STON2: variants seen among roughly 807,000 people sequenced by gnomAD.
STON2 encodes stonin-2.
Under a neutral mutation model 65.7 loss-of-function variants are expected in STON2, and 29 were observed. That is an observed-to-expected ratio of 0.44 (90% confidence interval 0.33 to 0.60). STON2 has a LOEUF of 0.60. Among genes scored for constraint, STON2 ranks in the 20% least tolerant of loss-of-function variants. The probability of loss-of-function intolerance (pLI) is 0.03; values close to 1 mark genes in which losing one functional copy is unlikely to be tolerated. For missense variants in STON2, 1,054 were observed against 1,118.1 expected (o/e 0.94, Z 0.82); for synonymous variants, 404 against 414.2 (o/e 0.98, Z 0.30).
exon 1 of STON2, chr14:81,436,443 G>A (rs1043107675): frequency 6.6e-6 from 1 of 151,698 alleles, no homozygotes; most frequent in Non-Finnish European, 1.5e-5. Context: ...CCCGGCCGCA[G>A]CGCCGACGCC....
chr14:81,354,329 G>C (rs1898138196), intron 4 of STON2, among the ~76,000 whole-genome samples: 1 of 152,162 alleles, frequency 6.6e-6, no homozygotes, highest in South Asian at 2.1e-4. Context: ...GTCTTTCCAG[G>C]GTCCTTACCA....
At chr14:81,417,976 C>T (rs1019850468) in intron 2 of STON2, among the ~76,000 whole-genome samples, 2 of 152,050 alleles carry the variant, frequency 1.3e-5, no homozygotes, top group East Asian at 3.9e-4. Context: ...ACATAAAGGG[C>T]CTTGAGTGGT....
chr14:81,279,249 AC>A (rs1487816561), intron 5 of STON2, among the ~76,000 whole-genome samples: 6 of 152,238 alleles, frequency 3.9e-5, no homozygotes, highest in African/African-American at 1.4e-4. Context: ...CAAACAGTTA[AC>A]CTTCTTAATA....
Position 81,277,726 on chromosome 14 carries a change from T to C in STON2, c.1756A>G (p.Lys586Glu). 6.2e-7 allele frequency: 1 copy of C among 1,614,198 alleles called. No individual in the cohort carries two copies. The highest frequency in any genetic ancestry group is 2.2e-5 in the East Asian group (1 of 44,888). The change falls in exon 6 of 8, where the codon AAG becomes GAG. Residue 586 changes from lysine (K) to glutamate (E), a missense_variant. By Grantham distance (56) the Lys-to-Glu change is moderately conservative. Coordinates refer to ENST00000614646, the MANE Select transcript of STON2 (RefSeq NM_001394390.1). ...AHTAEREQVI[K>E]LGTTNYDDFL... ...TCATCGTAATTGGTGGTGCCCAGCT[T>C]AATCACCTGTTCCCTCTCTGCTGTG...
intron 5 of STON2, among the ~76,000 whole-genome samples, chr14:81,322,205 G>A (rs1298308003): frequency 1.3e-5 from 2 of 152,104 alleles, no homozygotes; most frequent in African/African-American, 4.8e-5. Context: ...TTCTATTCCT[G>A]AGCACTGATT....
chr14:81,363,883 A>G (rs1898606816), intron 4 of STON2, among the ~76,000 whole-genome samples: 1 of 152,170 alleles, frequency 6.6e-6, no homozygotes, highest in Non-Finnish European at 1.5e-5. Flanking sequence ...TGGGCCCTCC[A>G]CTCTGGTTTG....
At chr14:81,340,149 G>A (rs372159445) in intron 4 of STON2, among the ~76,000 whole-genome samples, 8 of 152,144 alleles carry the variant, frequency 5.3e-5, no homozygotes, top group Admixed American at 1.3e-4. Flanking sequence ...GCGAGACTCC[G>A]TCTCAAAATA....
Position 81,351,815 on chromosome 14 carries a change from T to C in STON2, c.571+19173A>G, listed in dbSNP as rs370105426. On this transcript the variant is annotated intron_variant, in intron 4 of 7. Coordinates refer to ENST00000614646, the MANE Select transcript of STON2 (RefSeq NM_001394390.1). ...AGGTTCTAGCCCAGTGGCTGGCACA[T>C]AGTAGTTCCTCATCTGTTGAATAAA... 9.2e-5 allele frequency among the ~76,000 whole-genome samples: 14 copies of C among 152,294 alleles called. No individual in the cohort carries two copies. In the South Asian group the frequency reaches 1.4e-3, roughly 16 times the overall value.
intron 4 of STON2, among the ~76,000 whole-genome samples, chr14:81,366,303 T>C (rs1014193633): frequency 1.3e-5 from 2 of 152,188 alleles, no homozygotes; most frequent in African/African-American, 4.8e-5. Flanking sequence ...TGCAGAACTC[T>C]GCCGCAGATG....
intron 2 of STON2, among the ~76,000 whole-genome samples, chr14:81,397,464 A>G (rs1900381925): frequency 6.6e-6 from 1 of 152,214 alleles, no homozygotes; most frequent in Non-Finnish European, 1.5e-5. Context: ...GAAATTTAGC[A>G]TAGGTATCTG....
upstream of STON2, among the ~76,000 whole-genome samples, chr14:81,404,784 G>A (rs368895111): frequency 7.9e-5 from 12 of 152,322 alleles, no homozygotes; most frequent in East Asian, 2.1e-3. Context: ...TGGGATTACA[G>A]GCACAAGTTA....
chr14:81,270,158 G>C, intron 7 of STON2: 1 of 535,504 alleles, frequency 1.9e-6, no homozygotes, highest in Non-Finnish European at 2.4e-6. Flanking sequence ...TGCAATCATG[G>C]CTCACTGCAG....
chr14:81,414,371 C>T (rs894385152), intron 2 of STON2, among the ~76,000 whole-genome samples: 2 of 152,056 alleles, frequency 1.3e-5, no homozygotes, highest in Non-Finnish European at 2.9e-5. Flanking sequence ...AAGAAGTGGC[C>T]AGTGCTCTCA....
intron 3 of STON2, among the ~76,000 whole-genome samples, chr14:81,381,419 T>C (rs1899507832): frequency 6.6e-6 from 1 of 152,144 alleles, no homozygotes. Context: ...GGATAGGAGA[T>C]AATATGTGCC....
intron 1 of STON2, among the ~76,000 whole-genome samples, chr14:81,432,990 G>A (rs1479979602): frequency 1.3e-5 from 2 of 152,188 alleles, no homozygotes; most frequent in African/African-American, 4.8e-5. Context: ...CTGAGCACTT[G>A]TCAGAAATAC....
intron 2 of STON2, among the ~76,000 whole-genome samples, chr14:81,409,392 G>A (rs564565599): frequency 2.7e-5 from 4 of 150,534 alleles, no homozygotes; most frequent in African/African-American, 9.8e-5. Flanking sequence ...GTGACAGAGT[G>A]AGACTCCATC....
rs372454932 is a variant in STON2 at position 81,313,555 on chromosome 14, G to A, written c.742+10462C>T. Among the ~76,000 whole-genome samples the A allele has an allele frequency of 1.4e-4, 21 of 151,998 alleles. No individual in the cohort carries two copies. In the East Asian group the frequency reaches 3.3e-3, roughly 24 times the overall value. On this transcript the variant is annotated intron_variant, in intron 5 of 7. Coordinates refer to ENST00000614646, the MANE Select transcript of STON2 (RefSeq NM_001394390.1). ...CATGCCTGTAATCCCAACACTTCGGGAGGCCGAGGCAGGTAGATCACTTGA... is the reference window on the plus strand; with the variant it reads ...CATGCCTGTAATCCCAACACTTCGGAAGGCCGAGGCAGGTAGATCACTTGA...
chr14:81,285,441 T>C (rs924689981), intron 5 of STON2, among the ~76,000 whole-genome samples: 1 of 152,214 alleles, frequency 6.6e-6, no homozygotes, highest in African/African-American at 2.4e-5. Flanking sequence ...AACCTGAAGA[T>C]ATGACTGAAT....
At chr14:81,281,419 A>C (rs1028645913) in intron 5 of STON2, among the ~76,000 whole-genome samples, 5 of 152,310 alleles carry the variant, frequency 3.3e-5, no homozygotes, top group Admixed American at 2.6e-4. Flanking sequence ...AAACTCATCA[A>C]CTTCTAATGA....
Sources: allele counts gnomAD v4.1 joint callset (sites outside exome capture counted in the v4.1 genomes callset), GRCh38; gene constraint gnomAD v4.1.1; transcripts MANE v1.5; gene names NCBI Gene and HGNC (gene_info 2026-07-23, HGNC 2026-07-21).